The following SH3BGR variants were observed in gnomAD, a reference collection of about 807,000 sequenced individuals.
SH3BGR encodes the protein SH3 domain binding glutamate rich protein.
In SH3BGR, 29 loss-of-function variants were observed where a neutral mutation model predicts 24.5. That is an observed-to-expected ratio of 1.18 (90% CI 0.88 to 1.61). The LOEUF (loss-of-function observed/expected upper bound fraction) is 1.61, where lower values mean the gene tolerates loss of function less well. Ranked by LOEUF, SH3BGR falls within the 40% of genes most tolerant of loss-of-function variation. The probability of loss-of-function intolerance (pLI) is 0.00; values close to 1 mark genes in which losing one functional copy is unlikely to be tolerated. For synonymous variants in SH3BGR, 55 were observed against 65.7 expected, an observed-to-expected ratio of 0.84 and a Z score of 0.79; for missense variants, 162 against 205.8, an observed-to-expected ratio of 0.79 and a Z score of 1.30.
chr21:39,451,901 G>A, upstream of SH3BGR: 1 of 1,613,506 alleles, frequency 6.2e-7, no homozygotes, highest in Non-Finnish European at 8.5e-7. Flanking sequence ...GGAGGGAGGA[G>A]CCCAAGATGC....
chr21:39,456,069 T>C (rs1602066284), intron 1 of SH3BGR, among the ~76,000 whole-genome samples: 1 of 152,318 alleles, frequency 6.6e-6, no homozygotes, highest in East Asian at 1.9e-4. Flanking sequence ...GTCAAGACTT[T>C]TGGAAATATT....
chr21:39,476,620 C>T (rs1454204496), intron 3 of SH3BGR, among the ~76,000 whole-genome samples: 3 of 152,164 alleles, frequency 2.0e-5, no homozygotes, highest in Non-Finnish European at 4.4e-5. Context: ...TCTCTCCTCC[C>T]TATGTTCTGG....
At chr21:39,513,276 T>C (rs2078728274) in intron 6 of SH3BGR, among the ~76,000 whole-genome samples, 2 of 152,228 alleles carry the variant, frequency 1.3e-5, no homozygotes, top group African/African-American at 2.4e-5. Flanking sequence ...TAGTTAAGAA[T>C]TGGTGCATGT....
At chr21:39,450,667 C>G (rs1435553755), upstream of SH3BGR, among the ~76,000 whole-genome samples, 1 of 152,178 alleles carries the variant, frequency 6.6e-6, no homozygotes, top group Non-Finnish European at 1.5e-5. Context: ...CCAAGTGCTT[C>G]TTGAAAAACT....
intron 3 of SH3BGR, among the ~76,000 whole-genome samples, chr21:39,478,550 G>A (rs929037032): frequency 1.3e-5 from 2 of 152,172 alleles, no homozygotes; most frequent in Non-Finnish European, 2.9e-5. Context: ...CTTTAATTTG[G>A]AAGGTCATGT....
intron 3 of SH3BGR, among the ~76,000 whole-genome samples, chr21:39,497,239 A>G (rs1344016289): frequency 6.6e-6 from 1 of 151,014 alleles, no homozygotes; most frequent in Non-Finnish European, 1.5e-5. Flanking sequence ...ATTTATATAT[A>G]TTATAGTAAA....
chr21:39,484,820 ACAGAGTACTTC>A (rs1408424326), intron 3 of SH3BGR, among the ~76,000 whole-genome samples: 1 of 152,224 alleles, frequency 6.6e-6, no homozygotes, highest in Non-Finnish European at 1.5e-5. Context: ...GTGCGCAGGG[ACAGAGTACTTC>A]CAGTATCCTT....
intron 4 of SH3BGR, among the ~76,000 whole-genome samples, chr21:39,507,484 CCA>C (rs1321867253): frequency 6.6e-6 from 1 of 152,034 alleles, no homozygotes; most frequent in African/African-American, 2.4e-5. Flanking sequence ...CAGGCATGCG[CCA>C]CCATGCCCAG....
intron 1 of SH3BGR, among the ~76,000 whole-genome samples, chr21:39,461,185 G>C (rs1180232906): frequency 6.9e-6 from 1 of 145,512 alleles, no homozygotes; most frequent in African/African-American, 2.6e-5. Flanking sequence ...TGCCCAGGCT[G>C]GAGTGCAGTG....
At chr21:39,509,513 T>TG (rs931452634) in intron 5 of SH3BGR, among the ~76,000 whole-genome samples, 6 of 148,036 alleles carry the variant, frequency 4.1e-5, no homozygotes, top group African/African-American at 1.5e-4. Context: ...CTCACTCTCT[T>TG]GCCCAGGCTG....
At chr21:39,473,506 C>G (rs1748966974) in intron 2 of SH3BGR, among the ~76,000 whole-genome samples, 1 of 152,172 alleles carries the variant, frequency 6.6e-6, no homozygotes, top group Non-Finnish European at 1.5e-5. Flanking sequence ...CAGCTTCCAA[C>G]CATGTATTCA....
At chr21:39,513,202 G>C (rs905797807) in intron 6 of SH3BGR, among the ~76,000 whole-genome samples, 1 of 152,098 alleles carries the variant, frequency 6.6e-6, no homozygotes, top group Admixed American at 6.5e-5. Context: ...AAATTACAAG[G>C]CAGCAAAAGC....
At chr21:39,494,237 T>C (rs998715123) in intron 3 of SH3BGR, among the ~76,000 whole-genome samples, 1 of 150,454 alleles carries the variant, frequency 6.6e-6, no homozygotes, top group African/African-American at 2.4e-5. Flanking sequence ...CTTCCTCTTC[T>C]TCTTCTTCTT....
chr21:39,474,890 GGT>G (rs3830679), intron 2 of SH3BGR, among the ~76,000 whole-genome samples: 3 of 150,364 alleles, frequency 2.0e-5, no homozygotes, highest in African/African-American at 7.3e-5. Flanking sequence ...CATGGGTAGG[GGT>G]GTGTGTGTGT....
At chr21:39,455,394 G>A (rs548238178) in intron 1 of SH3BGR, among the ~76,000 whole-genome samples, 1 of 152,324 alleles carries the variant, frequency 6.6e-6, no homozygotes, top group East Asian at 1.9e-4. Flanking sequence ...ATGGGCCATG[G>A]CACCCTGGAG....
At chr21:39,504,300 G>T (rs1252771403) in intron 4 of SH3BGR, among the ~76,000 whole-genome samples, 5 of 152,130 alleles carry the variant, frequency 3.3e-5, no homozygotes, top group African/African-American at 1.2e-4. Flanking sequence ...TCTCAGCCTG[G>T]GTCCCTGGAG....
chr21:39,501,284 A>AT (rs1175134030), intron 4 of SH3BGR, among the ~76,000 whole-genome samples: 1 of 152,222 alleles, frequency 6.6e-6, no homozygotes, highest in African/African-American at 2.4e-5. Flanking sequence ...TAGCATATTT[A>AT]TAATCAGATC....
At chr21:39,506,985 G>A (rs1019158675) in intron 4 of SH3BGR, among the ~76,000 whole-genome samples, 4 of 152,262 alleles carry the variant, frequency 2.6e-5, no homozygotes, top group South Asian at 2.1e-4. Context: ...GAGGAGGGGC[G>A]AGACATGGGC....
upstream of SH3BGR, among the ~76,000 whole-genome samples, chr21:39,447,526 C>T (rs2077518134): frequency 6.6e-6 from 1 of 151,336 alleles, no homozygotes. Context: ...GGTGATTCTC[C>T]TGCATCAGCC....
Sources: gnomAD v4.1 joint callset for allele counts (sites outside exome capture counted in the v4.1 genomes callset) on GRCh38, gnomAD v4.1.1 for gene constraint, MANE v1.5 for transcripts, NCBI Gene and HGNC (gene_info 2026-07-23, HGNC 2026-07-21) for gene names.